DNAAF4: variants seen among roughly 807,000 people sequenced by gnomAD.
DNAAF4 encodes dynein axonemal assembly factor 4.
In DNAAF4, 43 loss-of-function variants were observed where a neutral mutation model predicts 51.8. That is an observed-to-expected ratio of 0.83 (90% confidence interval 0.65 to 1.07). DNAAF4 has a LOEUF of 1.07. Among genes scored for constraint, DNAAF4 ranks in the 50% least tolerant of loss-of-function variants. The probability of loss-of-function intolerance (pLI) is 0.00; values close to 1 mark genes in which losing one functional copy is unlikely to be tolerated. For missense variants in DNAAF4, 581 were observed against 493.0 expected, an observed-to-expected ratio of 1.18 and a Z score of -1.69; for synonymous variants, 194 against 165.6, an observed-to-expected ratio of 1.17 and a Z score of -1.32.
At chr15:55,453,241 CA>C (rs2057963665) in intron 5 of DNAAF4, among the ~76,000 whole-genome samples, 1 of 152,180 alleles carries the variant, frequency 6.6e-6, no homozygotes, top group Non-Finnish European at 1.5e-5. Flanking sequence ...TCCTCATCAA[CA>C]AGTCTTTTGC....
chr15:55,479,086 GCA>G (rs549986106), intron 4 of DNAAF4, among the ~76,000 whole-genome samples: 151 of 151,208 alleles, frequency 1.0e-3, no homozygotes, highest in Non-Finnish European at 1.7e-3. Flanking sequence ...CTAGCTGTAT[GCA>G]CATTTTCCCC....
intron 5 of DNAAF4, among the ~76,000 whole-genome samples, chr15:55,457,410 G>C (rs920690602): frequency 6.6e-6 from 1 of 152,106 alleles, no homozygotes; most frequent in South Asian, 2.1e-4. Flanking sequence ...CCCACCCAAG[G>C]GGAGCCTGAG....
chr15:55,499,075 T>C (rs2058677785), intron 1 of DNAAF4, among the ~76,000 whole-genome samples: 1 of 152,168 alleles, frequency 6.6e-6, no homozygotes. Context: ...CTTGTCTGTT[T>C]ATTCTGACTG....
intron 4 of DNAAF4, among the ~76,000 whole-genome samples, chr15:55,487,604 C>G (rs374299798): frequency 1.3e-4 from 20 of 151,948 alleles, no homozygotes; most frequent in African/African-American, 4.4e-4. Context: ...TAACAGTCAC[C>G]GTGAGGGTCT....
exon 8 of DNAAF4, chr15:55,417,830 G>C: frequency 3.7e-6 from 1 of 267,524 alleles, no homozygotes; most frequent in Non-Finnish European, 7.1e-6. Flanking sequence ...AGCGAAGGGA[G>C]ATAGGGGTGG....
chr15:55,434,771 G>T (rs555760312), intron 8 of DNAAF4, 134 bp downstream of exon 8: 5 of 797,994 alleles, frequency 6.3e-6, no homozygotes, highest in East Asian at 3.1e-5. Context: ...AAAAAAAAAA[G>T]ATTCAATAAG....
intron 6 of DNAAF4, among the ~76,000 whole-genome samples, chr15:55,448,453 T>C (rs1001523672): frequency 2.8e-5 from 4 of 144,122 alleles, no homozygotes; most frequent in East Asian, 2.1e-4. Context: ...TGAGCCATGA[T>C]TGTCCCACTG....
At chr15:55,493,194 T>G (rs1158746501) in intron 3 of DNAAF4, among the ~76,000 whole-genome samples, 2 of 152,208 alleles carry the variant, frequency 1.3e-5, no homozygotes, top group South Asian at 2.1e-4. Flanking sequence ...GACCTTGATC[T>G]GGACTTCCCA....
At chr15:55,469,046 A>G (rs1344549530) in intron 4 of DNAAF4, among the ~76,000 whole-genome samples, 1 of 152,168 alleles carries the variant, frequency 6.6e-6, no homozygotes, top group Non-Finnish European at 1.5e-5. Flanking sequence ...CAGAGTGTAC[A>G]GTGACCGGGC....
At chr15:55,441,985 T>C (rs1328637082) in intron 6 of DNAAF4, among the ~76,000 whole-genome samples, 1 of 152,252 alleles carries the variant, frequency 6.6e-6, no homozygotes, top group Admixed American at 6.5e-5. Flanking sequence ...CATGTCTGTG[T>C]CTTCCCTGCC....
intron 1 of DNAAF4, among the ~76,000 whole-genome samples, chr15:55,500,664 A>G (rs1176633003): frequency 6.6e-6 from 1 of 152,102 alleles, no homozygotes; most frequent in East Asian, 1.9e-4. Flanking sequence ...TGATCCTACT[A>G]AACTTTTAGA....
At chr15:55,488,029 T>C (rs1468263833) in intron 4 of DNAAF4, among the ~76,000 whole-genome samples, 1 of 152,136 alleles carries the variant, frequency 6.6e-6, no homozygotes, top group Non-Finnish European at 1.5e-5. Context: ...GGAACCTAAT[T>C]GTGATTCATT....
chr15:55,443,276 T>G, intron 6 of DNAAF4: 1 of 1,533,284 alleles, frequency 6.5e-7, no homozygotes, highest in Non-Finnish European at 8.9e-7. Context: ...TGCGGCTCAC[T>G]ACCCGGCAGG....
At chr15:55,437,211 G>A (rs539829354) in intron 7 of DNAAF4, among the ~76,000 whole-genome samples, 2 of 152,282 alleles carry the variant, frequency 1.3e-5, no homozygotes, top group African/African-American at 4.8e-5. Flanking sequence ...GTTGTTAAGT[G>A]CCTATAGTCT....
chr15:55,441,627 T>C (rs942689152), intron 6 of DNAAF4, among the ~76,000 whole-genome samples: 2 of 149,616 alleles, frequency 1.3e-5, no homozygotes, highest in Admixed American at 6.7e-5. Flanking sequence ...AGTGTTCTCA[T>C]TGTTCAATTC....
rs1595905194 is a variant in DNAAF4, at chr15:55,447,474, A to G, written c.783+2748T>C. 2.6e-5 allele frequency among the ~76,000 whole-genome samples: 4 copies of G among 151,984 alleles called. No individual in the cohort carries two copies. In the South Asian group the frequency reaches 8.3e-4, roughly 32 times the overall value. On this transcript the variant is annotated intron_variant, in intron 6 of 9. Coordinates refer to ENST00000321149, the MANE Select transcript of DNAAF4 (RefSeq NM_130810.4). The stretch of plus-strand genomic sequence containing the variant: ...AGCCGAGATCATGCCACTGCACTCC[A>G]GTCTGGGCAACATTGAGCATTGAGT...
intron 4 of DNAAF4, among the ~76,000 whole-genome samples, chr15:55,485,481 C>T (rs1325805902): frequency 6.6e-6 from 1 of 152,158 alleles, no homozygotes; most frequent in Non-Finnish European, 1.5e-5. Flanking sequence ...ACCTTATCTG[C>T]ATGATCAGGC....
chr15:55,460,598 A>G (rs1327027769), intron 5 of DNAAF4, among the ~76,000 whole-genome samples: 2 of 152,190 alleles, frequency 1.3e-5, no homozygotes, highest in Non-Finnish European at 2.9e-5. Context: ...CAAGACAGAA[A>G]GTCAACAAAG....
chr15:55,425,588 T>A (rs2057423960), downstream of DNAAF4, among the ~76,000 whole-genome samples: 1 of 152,170 alleles, frequency 6.6e-6, no homozygotes, highest in South Asian at 2.1e-4. Flanking sequence ...AGCATTTTTT[T>A]TTTCACTTTA....
Sources: gnomAD v4.1 joint callset for allele counts (sites outside exome capture counted in the v4.1 genomes callset) on GRCh38, gnomAD v4.1.1 for gene constraint, MANE v1.5 for transcripts, NCBI Gene and HGNC (gene_info 2026-07-23, HGNC 2026-07-21) for gene names.